The following DOCK9 variants were observed in gnomAD, a reference collection of about 807,000 sequenced individuals.
DOCK9 encodes the protein dedicator of cytokinesis 9, also known as dedicator of cytokinesis protein 9.
A neutral mutation model predicts 263.3 loss-of-function variants in DOCK9; 89 were observed. The observed-to-expected ratio is 0.34, with a 90% confidence interval of 0.28 to 0.40. The LOEUF (loss-of-function observed/expected upper bound fraction) is 0.40. Ranked by LOEUF, DOCK9 falls within the 10% of genes least tolerant of loss-of-function variation. The probability of loss-of-function intolerance (pLI) is 1.00; values close to 1 mark genes in which losing one functional copy is unlikely to be tolerated. For missense variants in DOCK9, 2,140 were observed against 2,603.4 expected, an observed-to-expected ratio of 0.82 and a Z score of 3.87; for synonymous variants, 976 against 973.1, an observed-to-expected ratio of 1.00 and a Z score of -0.06.
At chr13:98,846,354 G>A (rs1431380638) in intron 37 of DOCK9, among the ~76,000 whole-genome samples, 5 of 152,132 alleles carry the variant, frequency 3.3e-5, no homozygotes, top group African/African-American at 9.7e-5. Flanking sequence ...AGTACTAATG[G>A]TTAGTGTTCT....
At chr13:98,809,496 C>A in intron 46 of DOCK9, 31 bp from the exon 47 acceptor site, 2 of 1,532,766 alleles carry the variant, frequency 1.3e-6, no homozygotes, top group Non-Finnish European at 1.8e-6. Flanking sequence ...CATTTCTTCC[C>A]ATGTGCAAAG....
At chr13:99,011,767 T>A (rs1884530951) in intron 1 of DOCK9, among the ~76,000 whole-genome samples, 1 of 152,374 alleles carries the variant, frequency 6.6e-6, no homozygotes, top group East Asian at 1.9e-4. Flanking sequence ...TATTAAGTTG[T>A]GAATTTAAGA....
chr13:98,904,857 T>C (rs1181208182), intron 9 of DOCK9, among the ~76,000 whole-genome samples, 151 bp from the exon 10 acceptor site: 1 of 152,186 alleles, frequency 6.6e-6, no homozygotes, highest in African/African-American at 2.4e-5. Context: ...CCAGGGAGTG[T>C]GCAGCACACA....
chr13:99,037,003 C>A (rs1205107946), intron 1 of DOCK9, among the ~76,000 whole-genome samples: 2 of 152,166 alleles, frequency 1.3e-5, no homozygotes, highest in Admixed American at 1.3e-4. Context: ...AGTTTCTGCC[C>A]TCATAGAGCT....
intron 38 of DOCK9, among the ~76,000 whole-genome samples, chr13:98,843,260 A>C (rs1419264208): frequency 6.6e-6 from 1 of 152,210 alleles, no homozygotes; most frequent in Non-Finnish European, 1.5e-5. Flanking sequence ...GGCCCAACAG[A>C]AGGTATTGTA....
chr13:98,937,972 A>G (rs7337984), intron 2 of DOCK9, among the ~76,000 whole-genome samples: 97,326 of 152,124 alleles, frequency 0.64, 31,708 homozygotes, highest in Middle Eastern at 0.79. Flanking sequence ...TAAAGGGAGC[A>G]AGTGGAGGTA....
intron 38 of DOCK9, among the ~76,000 whole-genome samples, chr13:98,842,899 G>T (rs1406327348): frequency 1.3e-5 from 2 of 152,186 alleles, no homozygotes; most frequent in African/African-American, 4.8e-5. Context: ...GCCATCACGG[G>T]ATTTGGGCAT....
At chr13:98,867,314 C>G in intron 30 of DOCK9, 111 bp downstream of exon 30, 1 of 697,900 alleles carries the variant, frequency 1.4e-6, no homozygotes, top group East Asian at 2.7e-5. Flanking sequence ...ATTAATTCAT[C>G]AATGAAAAAA....
At chr13:98,977,674 G>C in intron 1 of DOCK9, 110 bp downstream of exon 1, 1 of 1,010,842 alleles carries the variant, frequency 9.9e-7, no homozygotes, top group South Asian at 1.8e-5. Context: ...GGGACAAGCA[G>C]AGCAAGTTTT....
In DOCK9 at chr13:98,824,413, A is replaced by G. The variant is rs1321214332; in HGVS notation, c.5115T>C (p.Asp1705=). ...ASMMEDVGMQ[D]VHFNEDVLME... ...AAGCACGCACCTCGTTGAAATGGACATCCTGCATCCCCACGTCTTCCATCA... is the reference window on the plus strand; with the variant it reads ...AAGCACGCACCTCGTTGAAATGGACGTCCTGCATCCCCACGTCTTCCATCA... The change falls in exon 45 of 53, where the codon GAT becomes GAC. Residue 1705 remains aspartate, a synonymous_variant. Coordinates refer to ENST00000682017, the MANE Select transcript of DOCK9 (RefSeq NM_001366683.2). 1 of 1,613,884 alleles carries G rather than the reference A, an allele frequency of 6.2e-7. No homozygotes were observed. Among genetic ancestry groups the G allele is most frequent in the East Asian group, 2.2e-5 (1 of 44,884 alleles).
intron 1 of DOCK9, among the ~76,000 whole-genome samples, chr13:98,987,403 T>C (rs1438809749): frequency 6.6e-6 from 1 of 152,246 alleles, no homozygotes; most frequent in African/African-American, 2.4e-5. Flanking sequence ...AGACGTTTAA[T>C]CAAACTCTGA....
At chr13:98,930,348 T>C in intron 2 of DOCK9, 91 bp from the exon 3 acceptor site, 1 of 1,098,906 alleles carries the variant, frequency 9.1e-7, no homozygotes, top group Admixed American at 2.0e-5. Flanking sequence ...CAGCTGGCCC[T>C]GGCAGCCACA....
At chr13:98,933,157 A>G (rs1299415026) in intron 2 of DOCK9, among the ~76,000 whole-genome samples, 1 of 152,210 alleles carries the variant, frequency 6.6e-6, no homozygotes, top group Non-Finnish European at 1.5e-5. Flanking sequence ...GAAATAGCTC[A>G]CATCAAGAAA....
intron 8 of DOCK9, among the ~76,000 whole-genome samples, chr13:98,915,093 C>T (rs894411233): frequency 9.9e-5 from 15 of 152,152 alleles, no homozygotes; most frequent in African/African-American, 3.6e-4. Context: ...ACCCAGGTCT[C>T]CCTTTCTGCC....
chr13:99,042,261 T>G (rs1888528387), intron 1 of DOCK9, among the ~76,000 whole-genome samples: 1 of 152,246 alleles, frequency 6.6e-6, no homozygotes, highest in Middle Eastern at 3.2e-3. Context: ...TTAACTGCCT[T>G]GAGATCAGGC....
intron 1 of DOCK9, among the ~76,000 whole-genome samples, chr13:98,994,810 C>A (rs973327417): frequency 2.6e-5 from 4 of 151,912 alleles, no homozygotes; most frequent in African/African-American, 9.7e-5. Flanking sequence ...TGTATGACTT[C>A]TACAAAAAAA....
intron 50 of DOCK9, among the ~76,000 whole-genome samples, chr13:98,798,772 T>G (rs535306967): frequency 7.2e-5 from 11 of 152,236 alleles, no homozygotes; most frequent in Non-Finnish European, 1.3e-4. Flanking sequence ...AACTTTGTTG[T>G]TACTTTGGTA....
intron 1 of DOCK9, among the ~76,000 whole-genome samples, chr13:99,068,543 T>C (rs892784882): frequency 1.3e-5 from 2 of 152,142 alleles, no homozygotes; most frequent in Admixed American, 1.3e-4. Context: ...GATCGCGCCC[T>C]GCACTCCAGC....
At chr13:98,921,995 G>T in intron 6 of DOCK9, 56 bp downstream of exon 6, 2 of 1,379,844 alleles carry the variant, frequency 1.4e-6, no homozygotes, top group Non-Finnish European at 2.0e-6. Flanking sequence ...TTGTTCTCGA[G>T]CTCTATGGCA....
Sources: allele counts gnomAD v4.1 joint callset (sites outside exome capture counted in the v4.1 genomes callset), GRCh38; gene constraint gnomAD v4.1.1; transcripts MANE v1.5; gene names NCBI Gene and HGNC (gene_info 2026-07-23, HGNC 2026-07-21).